CNTLN: variants seen among roughly 807,000 people sequenced by gnomAD.
CNTLN encodes the protein centlein.
In CNTLN, 212 loss-of-function variants were observed where a neutral mutation model predicts 180.0. The observed-to-expected ratio is 1.18, with a 90% confidence interval of 1.05 to 1.32. The LOEUF (loss-of-function observed/expected upper bound fraction) is 1.32. CNTLN is among the 40% of genes most tolerant of loss of function. The pLI is 0.00. For missense variants in CNTLN, 2,095 were observed against 1,610.9 expected, an observed-to-expected ratio of 1.30 and a Z score of -5.14; for synonymous variants, 722 against 563.1, an observed-to-expected ratio of 1.28 and a Z score of -3.99.
intron 15 of CNTLN, among the ~76,000 whole-genome samples, chr9:17,395,956 A>G (rs1826485188): frequency 6.6e-6 from 1 of 152,186 alleles, no homozygotes; most frequent in Admixed American, 6.5e-5. Flanking sequence ...CAAAGGTCAT[A>G]AAGACCTTGC....
At chr9:17,305,107 C>T (rs983386043) in intron 7 of CNTLN, among the ~76,000 whole-genome samples, 2 of 151,950 alleles carry the variant, frequency 1.3e-5, no homozygotes, top group African/African-American at 4.8e-5. Context: ...TTCGAAAAGG[C>T]GTTCTTCAGT....
rs75375364 is a variant in CNTLN, at chr9:17,293,910, G to C, written c.984-4280G>C. Among the ~76,000 whole-genome samples the C allele has an allele frequency of 4.9e-3, 740 of 152,220 alleles. 5 individuals carry two copies. The highest frequency in any genetic ancestry group is 8.8e-3 in the Admixed American group (135 of 15,296). On this transcript the variant is annotated intron_variant, in intron 6 of 25. Coordinates refer to ENST00000380647, the MANE Select transcript of CNTLN (RefSeq NM_017738.4). Reference sequence around the variant, plus strand: ...GATCTGTGGGTAGCACGGATCCGTGGAAAAAGCGTGGTTTCCCAGGCAGGG... The same window carrying C: ...GATCTGTGGGTAGCACGGATCCGTGCAAAAAGCGTGGTTTCCCAGGCAGGG...
At chr9:17,404,861 C>G (rs1234716366) in intron 15 of CNTLN, among the ~76,000 whole-genome samples, 1 of 151,362 alleles carries the variant, frequency 6.6e-6, no homozygotes, top group Non-Finnish European at 1.5e-5. Flanking sequence ...CCTCAGCCTC[C>G]TGAGTAGCTG....
chr9:17,145,386 A>G (rs2815178), intron 2 of CNTLN, among the ~76,000 whole-genome samples: 6,667 of 152,288 alleles, frequency 0.044, 483 homozygotes, highest in African/African-American at 0.15. Flanking sequence ...GTTCACATCC[A>G]TTGAGAAGTG....
At position 17,346,162 on chromosome 9, in the gene CNTLN, G is replaced by A. The variant is rs375493656; in HGVS notation, c.1886+3718G>A. Among the ~76,000 whole-genome samples the A allele has an allele frequency of 2.9e-4, 44 of 152,192 alleles. 1 individual carries two copies. The highest frequency in any genetic ancestry group is 9.9e-4 in the African/African-American group (41 of 41,538). On this transcript the variant is annotated intron_variant, in intron 12 of 25. Coordinates refer to ENST00000380647, the MANE Select transcript of CNTLN (RefSeq NM_017738.4). ...TGAAGGGGAAGCAAGGACCTTTTTCGCATGGTGGCAGAGGAGAGGAGTGAG... is the reference window on the plus strand; with the variant it reads ...TGAAGGGGAAGCAAGGACCTTTTTCACATGGTGGCAGAGGAGAGGAGTGAG...
intron 8 of CNTLN, among the ~76,000 whole-genome samples, chr9:17,321,087 C>G (rs187205778): frequency 2.0e-5 from 3 of 152,176 alleles, no homozygotes; most frequent in East Asian, 3.9e-4. Context: ...TTTTCACTTT[C>G]ACTTTTATGT....
intron 24 of CNTLN, among the ~76,000 whole-genome samples, chr9:17,484,851 T>C (rs964653753): frequency 7.9e-5 from 12 of 152,148 alleles, no homozygotes; most frequent in African/African-American, 2.9e-4. Flanking sequence ...ATTTGAAGTT[T>C]TTTTCTCTTT....
At chr9:17,490,759 T>C (rs1022902566) in intron 25 of CNTLN, among the ~76,000 whole-genome samples, 1 of 152,018 alleles carries the variant, frequency 6.6e-6, no homozygotes, top group African/African-American at 2.4e-5. Context: ...GTTAACTCCT[T>C]GATAATGGAA....
At chr9:17,505,775 T>C (rs997410414), downstream of CNTLN, among the ~76,000 whole-genome samples, 3 of 152,032 alleles carry the variant, frequency 2.0e-5, no homozygotes, top group African/African-American at 7.2e-5. Context: ...ATAGAGAACA[T>C]TTTTCTAAAA....
At chr9:17,454,291 G>T (rs919594537) in intron 18 of CNTLN, among the ~76,000 whole-genome samples, 3 of 152,026 alleles carry the variant, frequency 2.0e-5, no homozygotes, top group Non-Finnish European at 4.4e-5. Flanking sequence ...ATAACCTTTG[G>T]TTAGAAATAA....
At chr9:17,399,759 C>G (rs535846775) in intron 15 of CNTLN, among the ~76,000 whole-genome samples, 1 of 152,112 alleles carries the variant, frequency 6.6e-6, no homozygotes, top group African/African-American at 2.4e-5. Context: ...TCCCCTGAAA[C>G]AGATTATAAG....
At chr9:17,150,830 C>T (rs1216163379) in intron 2 of CNTLN, among the ~76,000 whole-genome samples, 1 of 152,118 alleles carries the variant, frequency 6.6e-6, no homozygotes, top group Non-Finnish European at 1.5e-5. Flanking sequence ...CTTCCTTGAG[C>T]AGTGGTTTGT....
intron 8 of CNTLN, among the ~76,000 whole-genome samples, chr9:17,328,712 T>C (rs1353173393): frequency 1.3e-5 from 2 of 152,156 alleles, no homozygotes; most frequent in Non-Finnish European, 2.9e-5. Flanking sequence ...GCAAAATGCC[T>C]CTGTTGGATG....
In CNTLN at chr9:17,156,049, T is replaced by C. The variant is rs542507893; in HGVS notation, c.449+12673T>C. ...CCCCACCCTGCTTCGGCTAGCCCTC[T>C]GTGGGCTGCACCCACTGTTCAGCGA... On this transcript the variant is annotated intron_variant, in intron 2 of 25. Transcript: ENST00000380647. 3.3e-4 allele frequency among the ~76,000 whole-genome samples: 50 copies of C among 152,322 alleles called. 1 individual carries two copies. The highest frequency in any genetic ancestry group is 1.2e-3 in the African/African-American group (49 of 41,578).
intron 12 of CNTLN, among the ~76,000 whole-genome samples, chr9:17,348,145 A>T (rs12378677): frequency 0.24 from 36,067 of 152,100 alleles, 4,494 homozygotes; most frequent in South Asian, 0.37. Context: ...CCATTTTATG[A>T]TAACGCACTG....
chr9:17,255,414 T>A (rs942259380), intron 5 of CNTLN, among the ~76,000 whole-genome samples: 7 of 151,674 alleles, frequency 4.6e-5, no homozygotes, highest in African/African-American at 1.7e-4. Context: ...TTCAATCTTG[T>A]CAAATGTTTT....
At chr9:17,366,758 A>G in intron 13 of CNTLN, 41 bp downstream of exon 13, 2 of 1,076,482 alleles carry the variant, frequency 1.9e-6, no homozygotes, top group Non-Finnish European at 2.8e-6. Flanking sequence ...AGGAATTTTA[A>G]AATTGTGTAA....
At chr9:17,440,421 CAAAAAAA>C (rs528636729) in intron 18 of CNTLN, among the ~76,000 whole-genome samples, 2 of 75,684 alleles carry the variant, frequency 2.6e-5, no homozygotes, top group South Asian at 4.1e-4. Flanking sequence ...AAATAAAATA[CAAAAAAA>C]AAAAAAAAAA....
In CNTLN at chr9:17,463,011, A is replaced by G. The variant is rs372355421; in HGVS notation, c.3402A>G (p.Glu1134=). ...AAGAACACATAAAGGAAATGCATGA[A>G]AAGTATGGTTTTTGTATTTCTATCC... ...AKEEHIKEMH[E]KISRMERDIT... is the part of the protein sequence containing the mutation. The change falls in exon 20 of 26, where the codon GAA becomes GAG. Residue 1134 remains glutamate, a splice_region_variant and synonymous_variant. Coordinates refer to ENST00000380647, the MANE Select transcript of CNTLN (RefSeq NM_017738.4). 2.0e-5 allele frequency: 31 copies of G among 1,562,634 alleles called. No homozygotes were observed. Among genetic ancestry groups the G allele is most frequent in the Middle Eastern group, 1.7e-4 (1 of 5,950 alleles).
Sources: allele counts gnomAD v4.1 joint callset (sites outside exome capture counted in the v4.1 genomes callset), GRCh38; gene constraint gnomAD v4.1.1; transcripts MANE v1.5; gene names NCBI Gene and HGNC (gene_info 2026-07-23, HGNC 2026-07-21).